APP: variants seen among roughly 807,000 people sequenced by gnomAD.
APP encodes amyloid-beta precursor protein.
A neutral mutation model predicts 101.4 loss-of-function variants in APP; 31 were observed. The observed-to-expected ratio is 0.31, with a 90% CI of 0.23 to 0.41. APP has a LOEUF of 0.41. APP is among the 10% of genes least tolerant of loss of function. The pLI is 1.00. For synonymous variants in APP, 366 were observed against 364.4 expected (o/e 1.00, Z -0.05); for missense variants, 839 against 1,003.7 (o/e 0.84, Z 2.22).
chr21:25,977,222 T>A (rs1315463503), intron 9 of APP, among the ~76,000 whole-genome samples: 3 of 152,248 alleles, frequency 2.0e-5, no homozygotes. Flanking sequence ...CACCTCTGTA[T>A]GTTGTTCAAA....
Position 25,982,454 on chromosome 21 carries a change from G to A in APP, c.1114C>T (p.Pro372Ser), listed in dbSNP as rs971337492. The change falls in exon 9 of 18, where the codon CCT becomes TCT. Residue 372 changes from proline to serine, a missense_variant. Coordinates refer to ENST00000346798, the MANE Select transcript of APP (RefSeq NM_000484.4). ...VKLPTTAAST[P>S]DAVDKYLETP... The stretch of plus-strand genomic sequence containing the variant: ...TCGAGATACTTGTCAACGGCATCAG[G>A]GGTACTGGCTGCTGTTGTAGGAACT... 2 of 1,613,866 alleles carry A rather than the reference G, an allele frequency of 1.2e-6. No homozygotes were observed. The highest frequency in any genetic ancestry group is 2.2e-5 in the East Asian group (1 of 44,864).
Position 25,881,530 on chromosome 21 carries a change from A to G in APP, c.*140T>C, listed in dbSNP as rs1229582365. The G allele has an allele frequency of 9.9e-6, 9 of 906,424 alleles. No individual in the cohort carries two copies. The highest frequency in any genetic ancestry group is 1.6e-5 in the Non-Finnish European group (9 of 558,434). The allele number at this position is 906,424 out of a possible 1,614,324, so 56.1% of individuals were successfully genotyped here. ...TCAAGTTCAGGCATCTACTTGTGTT[A>G]CAGCACAGCTGTCAAAAGGCGATAA... On this transcript the variant is annotated 3_prime_UTR_variant, in exon 18 of 18. Coordinates refer to ENST00000346798, the MANE Select transcript of APP (RefSeq NM_000484.4).
At chr21:25,990,800 G>GAAT (rs2042830761) in intron 8 of APP, among the ~76,000 whole-genome samples, 1 of 152,160 alleles carries the variant, frequency 6.6e-6, no homozygotes, top group African/African-American at 2.4e-5. Context: ...AAATTATCAG[G>GAAT]TATTGATAGC....
At chr21:26,048,160 C>CA (rs901758369) in intron 5 of APP, among the ~76,000 whole-genome samples, 1,746 of 128,650 alleles carry the variant, frequency 0.014, 42 homozygotes, top group African/African-American at 0.043. Flanking sequence ...ACTAAAAGTA[C>CA]AAAAAAAAAA....
At chr21:26,164,142 G>A (rs1425457403) in intron 1 of APP, among the ~76,000 whole-genome samples, 1 of 152,240 alleles carries the variant, frequency 6.6e-6, no homozygotes, top group African/African-American at 2.4e-5. Context: ...CTACTCGGGA[G>A]GCTGAGGCAG....
At chr21:26,134,562 C>A (rs545093798) in intron 1 of APP, among the ~76,000 whole-genome samples, 1 of 152,228 alleles carries the variant, frequency 6.6e-6, no homozygotes, top group African/African-American at 2.4e-5. Context: ...AGATTCCATG[C>A]CCTTTCCTGA....
intron 11 of APP, among the ~76,000 whole-genome samples, chr21:25,969,883 A>T (rs1283036497): frequency 1.6e-3 from 11 of 6,966 alleles, no homozygotes; most frequent in Non-Finnish European, 2.4e-3. Flanking sequence ...AGAGAAAAGA[A>T]AAGAGAAGAT....
intron 9 of APP, among the ~76,000 whole-genome samples, chr21:25,978,414 G>A (rs1487347367): frequency 2.0e-5 from 3 of 152,302 alleles, no homozygotes; most frequent in Non-Finnish European, 2.9e-5. Flanking sequence ...ACAACAGCTT[G>A]TGAGATTAGC....
At chr21:25,884,119 G>A (rs76395411) in intron 17 of APP, among the ~76,000 whole-genome samples, 6,621 of 152,226 alleles carry the variant, frequency 0.043, 200 homozygotes, top group Non-Finnish European at 0.072. Context: ...CAGGTGATCC[G>A]CCTACCTCGG....
At chr21:25,953,917 T>C (rs1016377798) in intron 13 of APP, among the ~76,000 whole-genome samples, 2 of 152,250 alleles carry the variant, frequency 1.3e-5, no homozygotes, top group Non-Finnish European at 2.9e-5. Flanking sequence ...GGGTGATGGA[T>C]GCATGAGACC....
intron 8 of APP, among the ~76,000 whole-genome samples, chr21:25,991,983 A>G (rs768731704): frequency 3.9e-5 from 6 of 152,214 alleles, no homozygotes; most frequent in Admixed American, 3.3e-4. Flanking sequence ...CCAAAATCTG[A>G]TAATTTTTGA....
rs891782231 is a variant in APP at position 26,162,857 on chromosome 21, AAATT to A, written c.57+7703_57+7706del. Among the ~76,000 whole-genome samples the A allele has an allele frequency of 7.5e-5, 11 of 146,678 alleles. 1 individual carries two copies. In the South Asian group the frequency reaches 2.1e-3, roughly 28 times the overall value. On this transcript the variant is annotated intron_variant, in intron 1 of 17. Transcript: ENST00000346798. The stretch of plus-strand genomic sequence containing the variant: ...GGCTTTCTGGAAGCTAATGAAAGCC[AAATT>A]ATTAAATAAGAGACAAATTATTAGA...
chr21:26,106,687 G>A (rs1018177064), intron 2 of APP, among the ~76,000 whole-genome samples: 1 of 152,160 alleles, frequency 6.6e-6, no homozygotes, highest in Admixed American at 6.6e-5. Context: ...CTTAGGATGG[G>A]TATCAGTCCT....
chr21:25,900,016 CTTAT>C (rs1555891191), intron 15 of APP, among the ~76,000 whole-genome samples: 2 of 152,188 alleles, frequency 1.3e-5, no homozygotes, highest in East Asian at 1.9e-4. Context: ...GTTCTCTATT[CTTAT>C]TTATTTTCTT....
chr21:26,056,291 G>A (rs1393487166), intron 3 of APP, among the ~76,000 whole-genome samples: 1 of 152,162 alleles, frequency 6.6e-6, no homozygotes, highest in Non-Finnish European at 1.5e-5. Flanking sequence ...GCCTGCCTCA[G>A]CCTCCCAAAG....
rs2036974830 is a variant in APP at position 25,881,398 on chromosome 21, A to AG, written c.*271dup. 1 of 511,002 alleles carries AG rather than the reference A, an allele frequency of 2.0e-6. No homozygotes were observed. Among genetic ancestry groups the AG allele is most frequent in the Admixed American group, 3.2e-5 (1 of 31,250 alleles). 31.7% of individuals were successfully genotyped at this position (511,002 alleles called of 1,614,324 possible). On this transcript the variant is annotated 3_prime_UTR_variant, in exon 18 of 18. Coordinates refer to ENST00000346798, the MANE Select transcript of APP (RefSeq NM_000484.4). ...TCAGGAGAGAATCTATTCATGCACT[A>AG]GTTTGATACAGCTAAATTCTTTACA...
intron 17 of APP, among the ~76,000 whole-genome samples, chr21:25,882,124 C>T (rs1193818148): frequency 1.3e-5 from 2 of 151,836 alleles, no homozygotes; most frequent in Non-Finnish European, 2.9e-5. Context: ...TCAACGGAAG[C>T]CTGTTTTACG....
At chr21:26,139,677 G>C (rs1266743051) in intron 1 of APP, among the ~76,000 whole-genome samples, 1 of 152,126 alleles carries the variant, frequency 6.6e-6, no homozygotes, top group Non-Finnish European at 1.5e-5. Flanking sequence ...GGCAGATCAC[G>C]AGGTCAAGAG....
chr21:25,997,152 C>T, intron 8 of APP: 1 of 596,172 alleles, frequency 1.7e-6, no homozygotes. Flanking sequence ...ATAGAAGAAA[C>T]TTAGTCAATG....
Sources: gnomAD v4.1 joint callset for allele counts (sites outside exome capture counted in the v4.1 genomes callset) on GRCh38, gnomAD v4.1.1 for gene constraint, MANE v1.5 for transcripts, NCBI Gene and HGNC (gene_info 2026-07-23, HGNC 2026-07-21) for gene names.